Variants in TJP2 observed in about 807,000 individuals in gnomAD.
TJP2 encodes tight junction protein 2.
Under a neutral mutation model 133.1 loss-of-function variants are expected in TJP2, and 91 were observed. That is an observed-to-expected ratio of 0.68 (90% CI 0.58 to 0.81). TJP2 has a LOEUF of 0.81. Ranked by LOEUF, TJP2 falls within the 40% of genes least tolerant of loss-of-function variation. TJP2 has a pLI of 0.00. For missense variants in TJP2, 1,541 were observed against 1,565.6 expected (o/e 0.98, Z 0.26); for synonymous variants, 592 against 583.4 (o/e 1.01, Z -0.21).
rs57728054 is a variant in TJP2, at chr9:69,251,203, A to T, written c.3160A>T (p.Thr1054Ser). The T allele has an allele frequency of 4.3e-6, 7 of 1,613,850 alleles. No homozygotes were observed. The highest frequency in any genetic ancestry group is 5.1e-6 in the Non-Finnish European group (6 of 1,180,012). ...TFGRSILKPSTPIPPQEGEEV... is the reference protein window; with the variant it reads ...TFGRSILKPSSPIPPQEGEEV... ...TGGGCGGTCTATACTGAAGCCCTCC[A>T]CTCCCATCCCTCCTCAAGAGGGTGA... Residue 1054 changes from threonine to serine, a missense_variant, in exon 21 of 23, where the codon ACT becomes TCT. Physicochemically the swap from Thr to Ser is moderately conservative, Grantham distance 58 (BLOSUM62 1). Coordinates refer to ENST00000377245, the MANE Select transcript of TJP2 (RefSeq NM_004817.4).
intron 18 of TJP2, among the ~76,000 whole-genome samples, chr9:69,247,684 A>T (rs981424202): frequency 6.6e-6 from 1 of 152,010 alleles, no homozygotes; most frequent in South Asian, 2.1e-4. Context: ...TTACTAGGAG[A>T]GTGGTACCAG....
At chr9:69,202,675 G>A (rs1368091558) in intron 1 of TJP2, among the ~76,000 whole-genome samples, 2 of 152,130 alleles carry the variant, frequency 1.3e-5, no homozygotes, top group Non-Finnish European at 2.9e-5. Flanking sequence ...AGTCCTAAAG[G>A]ACTTCATCCT....
chr9:69,214,225 A>G (rs1027863197), intron 2 of TJP2, among the ~76,000 whole-genome samples: 1 of 152,076 alleles, frequency 6.6e-6, no homozygotes, highest in Non-Finnish European at 1.5e-5. Flanking sequence ...AGCTGGGATT[A>G]CAGGGGTGTG....
intron 1 of TJP2, among the ~76,000 whole-genome samples, chr9:69,138,295 G>A (rs568761284): frequency 1.3e-5 from 2 of 152,234 alleles, no homozygotes; most frequent in East Asian, 3.9e-4. Flanking sequence ...AGCCTAGATT[G>A]TTCTCACGTA....
intron 1 of TJP2, among the ~76,000 whole-genome samples, chr9:69,139,923 C>T (rs1822940402): frequency 6.6e-6 from 1 of 152,202 alleles, no homozygotes. Context: ...ACACTGTGGT[C>T]ACTGGGCAGG....
chr9:69,174,906 GTTGT>G (rs771127473), intron 1 of TJP2, among the ~76,000 whole-genome samples: 2 of 99,570 alleles, frequency 2.0e-5, no homozygotes, highest in African/African-American at 4.0e-5. Context: ...AGAAGTAAAA[GTTGT>G]TTTTTTTTTT....
intron 1 of TJP2, among the ~76,000 whole-genome samples, chr9:69,144,439 G>A (rs1823130642): frequency 6.6e-6 from 1 of 152,008 alleles, no homozygotes; most frequent in South Asian, 2.1e-4. Flanking sequence ...TTCCCTTTAT[G>A]TATGGGTTTG....
At chr9:69,174,087 G>T, upstream of TJP2, 1 of 1,130,598 alleles carries the variant, frequency 8.8e-7, no homozygotes, top group Non-Finnish European at 1.1e-6. Context: ...TCGAAGGCGC[G>T]GCGCCGGCGA....
chr9:69,249,049 A>G (rs1445173718), intron 19 of TJP2: 1 of 1,028,260 alleles, frequency 9.7e-7, no homozygotes, highest in African/African-American at 1.7e-5. Flanking sequence ...GCAACAAATT[A>G]GTTTATGCTA....
intron 17 of TJP2, among the ~76,000 whole-genome samples, chr9:69,244,421 G>A (rs1426607852): frequency 6.6e-6 from 1 of 152,052 alleles, no homozygotes; most frequent in East Asian, 1.9e-4. Flanking sequence ...GGAGGGGGAG[G>A]TAGCACTGAC....
intron 3 of TJP2, 56 bp downstream of exon 3, chr9:69,216,519 C>A: frequency 6.2e-7 from 1 of 1,600,684 alleles, no homozygotes; most frequent in South Asian, 1.1e-5. Flanking sequence ...TGGCCCTAGA[C>A]GGGGTATTTT....
intron 11 of TJP2, among the ~76,000 whole-genome samples, chr9:69,232,280 C>G (rs770589856): frequency 6.6e-6 from 1 of 152,094 alleles, no homozygotes; most frequent in Non-Finnish European, 1.5e-5. Context: ...GCTTTCCGTT[C>G]TAGAAAGGGG....
chr9:69,216,492 C>CT, intron 3 of TJP2, 29 bp downstream of exon 3: 1 of 1,613,430 alleles, frequency 6.2e-7, no homozygotes, highest in East Asian at 2.2e-5. Flanking sequence ...TCCGCAGCCC[C>CT]TACCAGCCCT....
At position 69,254,179 on chromosome 9, in the gene TJP2, G is replaced by A. The variant is rs143954117; in HGVS notation, c.3408-30G>A. ...CAGCCGGAGGACATGGATGTGCTCTGGAATGTCTTTAACACCCTTTTTTTG... is the reference window on the plus strand; with the variant it reads ...CAGCCGGAGGACATGGATGTGCTCTAGAATGTCTTTAACACCCTTTTTTTG... On this transcript the variant is annotated intron_variant, in intron 22 of 22. Transcript: ENST00000377245. The A allele has an allele frequency of 4.4e-4, 706 of 1,614,032 alleles. 1 individual carries two copies. Among genetic ancestry groups the A allele is most frequent in the Non-Finnish European group, 3.8e-4 (452 of 1,179,908 alleles).
chr9:69,148,373 CTTTT>C (rs780212434), intron 1 of TJP2, among the ~76,000 whole-genome samples: 2 of 130,922 alleles, frequency 1.5e-5, no homozygotes, highest in Admixed American at 8.1e-5. Context: ...CTCTGTAATA[CTTTT>C]TTTTTTTTTT....
chr9:69,224,260 C>G (rs1219181532), intron 5 of TJP2, among the ~76,000 whole-genome samples: 26 of 152,200 alleles, frequency 1.7e-4, no homozygotes. Flanking sequence ...CAATGCCAAG[C>G]TTCATATAAT....
chr9:69,213,145 C>A (rs1469751338), intron 2 of TJP2, among the ~76,000 whole-genome samples: 2 of 150,134 alleles, frequency 1.3e-5, no homozygotes, highest in African/African-American at 4.9e-5. Flanking sequence ...CTCAGCGCAA[C>A]CTCCGCCTCC....
intron 21 of TJP2, among the ~76,000 whole-genome samples, chr9:69,252,298 A>C (rs992504578): frequency 2.6e-4 from 39 of 152,106 alleles, no homozygotes; most frequent in Admixed American, 2.3e-3. Context: ...CCCAGCCTCA[A>C]CCATTTTAAA....
At chr9:69,137,309 CTTTTCTTTTCTTTTCTTTTCT>C (rs1822814562) in intron 1 of TJP2, among the ~76,000 whole-genome samples, 5 of 77,128 alleles carry the variant, frequency 6.5e-5, no homozygotes, top group East Asian at 3.4e-4. Flanking sequence ...CTTTTCTTTT[CTTTTCTTTTCTTTTCTTTTCT>C]TTTTTTTTTT....
Sources: allele counts gnomAD v4.1 joint callset (sites outside exome capture counted in the v4.1 genomes callset), GRCh38; gene constraint gnomAD v4.1.1; transcripts MANE v1.5; gene names NCBI Gene and HGNC (gene_info 2026-07-23, HGNC 2026-07-21).